Variants in MTSS1 observed in about 807,000 individuals in gnomAD.
MTSS1 encodes MTSS I-BAR domain containing 1.
A neutral mutation model predicts 79.0 loss-of-function variants in MTSS1; 18 were observed. The observed-to-expected ratio is 0.23, with a 90% CI of 0.16 to 0.34. MTSS1 has a LOEUF of 0.34. Ranked by LOEUF, MTSS1 falls within the 10% of genes least tolerant of loss-of-function variation. MTSS1 has a pLI of 1.00. For synonymous variants in MTSS1, 341 were observed against 368.6 expected, an observed-to-expected ratio of 0.93 and a Z score of 0.86; for missense variants, 815 against 986.2, an observed-to-expected ratio of 0.83 and a Z score of 2.33.
intron 3 of MTSS1, among the ~76,000 whole-genome samples, chr8:124,599,549 G>A (rs1280739879): frequency 6.6e-6 from 1 of 151,526 alleles, no homozygotes; most frequent in Non-Finnish European, 1.5e-5. Flanking sequence ...TCTAAGTAAA[G>A]TGGAAATCTT....
Position 124,727,418 on chromosome 8 carries a change from T to C in MTSS1, c.72+466A>G. On this transcript the variant is annotated intron_variant, in intron 1 of 13. Coordinates refer to ENST00000518547, the MANE Select transcript of MTSS1 (RefSeq NM_014751.6). This position sits in a 1 kb window ranked among gnomAD's most constrained non-coding sequence, Gnocchi z 4.7. ...AGGAGGGACTGGCTTTCCCTCTCAG[T>C]CTCCTAGGCTAGGGGACTCCTTCCT... is the stretch of plus-strand genomic sequence containing the variant. 2.7e-6 allele frequency: 1 copy of C among 370,728 alleles called. No individual in the cohort carries two copies. The highest frequency in any genetic ancestry group is 5.3e-6 in the Non-Finnish European group (1 of 188,172). The allele number at this position is 370,728 out of a possible 1,614,324, so 23.0% of individuals were successfully genotyped here.
chr8:124,663,555 C>T (rs1273944398), intron 3 of MTSS1, among the ~76,000 whole-genome samples: 1 of 152,068 alleles, frequency 6.6e-6, no homozygotes, highest in Non-Finnish European at 1.5e-5. Context: ...CCCACCTCCC[C>T]TTTCTCCCCA....
intron 3 of MTSS1, among the ~76,000 whole-genome samples, chr8:124,625,732 T>C (rs1232912423): frequency 2.0e-5 from 3 of 152,264 alleles, no homozygotes; most frequent in Non-Finnish European, 4.4e-5. Flanking sequence ...AGTGTAGCTA[T>C]GCTGCCTTCT....
intron 10 of MTSS1, among the ~76,000 whole-genome samples, chr8:124,561,328 G>A (rs1456839973): frequency 2.6e-5 from 4 of 152,204 alleles, no homozygotes; most frequent in Non-Finnish European, 5.9e-5. Context: ...TGAGGCAGGA[G>A]AATCGCTTGA....
At chr8:124,696,351 A>G (rs1458781553) in intron 3 of MTSS1, among the ~76,000 whole-genome samples, 2 of 152,202 alleles carry the variant, frequency 1.3e-5, no homozygotes, top group Non-Finnish European at 2.9e-5. Context: ...GTAAAAATTA[A>G]TAAAAGTCAC....
rs139225118 is a variant in MTSS1, at chr8:124,600,693, C to T, written c.209-9458G>A. 2.2e-4 allele frequency among the ~76,000 whole-genome samples: 33 copies of T among 152,296 alleles called. No homozygotes were observed. In the East Asian group the frequency reaches 2.3e-3, roughly 11 times the overall value. The stretch of plus-strand genomic sequence containing the variant: ...CAACAGATCATGACCCCCACTCCTC[C>T]CACATCTAATATCCACTTTCTCTAA... On this transcript the variant is annotated intron_variant, in intron 3 of 13. Coordinates refer to ENST00000518547, the MANE Select transcript of MTSS1 (RefSeq NM_014751.6).
chr8:124,707,307 G>A (rs1830508934), intron 1 of MTSS1, among the ~76,000 whole-genome samples: 1 of 146,792 alleles, frequency 6.8e-6, no homozygotes, highest in Non-Finnish European at 1.5e-5. Flanking sequence ...AGCACTTTGG[G>A]AAGCTGAGGC....
In MTSS1 at chr8:124,714,489, G is replaced by A. The variant is rs1011936660; in HGVS notation, c.73-10298C>T. ...GTTTTTGTTTTTGTTTTGAGATGGA[G>A]TCTTGCCGTGTTGCCCAGGCTGGAG... On this transcript the variant is annotated intron_variant, in intron 1 of 13. Coordinates refer to ENST00000518547, the MANE Select transcript of MTSS1 (RefSeq NM_014751.6). 9.9e-5 allele frequency among the ~76,000 whole-genome samples: 15 copies of A among 152,212 alleles called. No individual in the cohort carries two copies. In the South Asian group the frequency reaches 1.0e-3, roughly 11 times the overall value.
chr8:124,641,016 T>C (rs1041046560), intron 3 of MTSS1, among the ~76,000 whole-genome samples: 1 of 151,990 alleles, frequency 6.6e-6, no homozygotes, highest in Admixed American at 6.6e-5. Context: ...CATCCGTGTA[T>C]GTACTATTTT....
chr8:124,580,567 C>CG (rs761833897), intron 6 of MTSS1: 64 of 1,535,262 alleles, frequency 4.2e-5, no homozygotes, highest in Middle Eastern at 1.7e-4. Flanking sequence ...TGTCCACTGG[C>CG]GGGGGGGCAC....
At chr8:124,558,620 C>T in intron 10 of MTSS1, 1 of 1,417,342 alleles carries the variant, frequency 7.1e-7, no homozygotes, top group Non-Finnish European at 9.3e-7. Flanking sequence ...CGATTCTGAG[C>T]TTCCAGGTTG....
chr8:124,637,484 G>A (rs1817227036), intron 3 of MTSS1, among the ~76,000 whole-genome samples: 1 of 152,204 alleles, frequency 6.6e-6, no homozygotes, highest in African/African-American at 2.4e-5. Flanking sequence ...CCAGACCCAC[G>A]GCTCCAACAT....
At chr8:124,581,002 G>C (rs1829944812) in intron 6 of MTSS1, among the ~76,000 whole-genome samples, 2 of 152,186 alleles carry the variant, frequency 1.3e-5, no homozygotes, top group South Asian at 4.1e-4. Context: ...TAAAATTGTA[G>C]TATAACAGCA....
chr8:124,566,927 G>C, intron 8 of MTSS1, 144 bp downstream of exon 8: 1 of 652,484 alleles, frequency 1.5e-6, no homozygotes, highest in Non-Finnish European at 2.7e-6. Context: ...ACAGCTCGCT[G>C]TGGTGATTTC....
chr8:124,663,102 CTGGAGCCGAAATG>C (rs1256846535), intron 3 of MTSS1, among the ~76,000 whole-genome samples: 37 of 152,316 alleles, frequency 2.4e-4, no homozygotes, highest in Non-Finnish European at 1.3e-4. Context: ...TGGCTGGGTT[CTGGAGCCGAAATG>C]GGCAACTTGT....
intron 3 of MTSS1, among the ~76,000 whole-genome samples, chr8:124,632,186 G>C (rs1486215171): frequency 6.7e-6 from 1 of 150,368 alleles, no homozygotes; most frequent in African/African-American, 2.5e-5. Flanking sequence ...GGCTGAGGCA[G>C]GAGGATCCCT....
intron 1 of MTSS1, among the ~76,000 whole-genome samples, chr8:124,710,133 G>T (rs1830946732): frequency 6.6e-6 from 1 of 152,196 alleles, no homozygotes; most frequent in Non-Finnish European, 1.5e-5. Context: ...ATTTATGCTG[G>T]CCACTCCTCC....
At chr8:124,646,954 T>TC (rs1357554687) in intron 3 of MTSS1, among the ~76,000 whole-genome samples, 1 of 152,070 alleles carries the variant, frequency 6.6e-6, no homozygotes, top group Non-Finnish European at 1.5e-5. Flanking sequence ...CAAATGGTCC[T>TC]CCCACCTCAG....
chr8:124,554,588 T>C (rs1446300933), intron 13 of MTSS1, among the ~76,000 whole-genome samples: 1 of 152,228 alleles, frequency 6.6e-6, no homozygotes, highest in Admixed American at 6.5e-5. Context: ...GACTTGTGTG[T>C]GCAGTGGACT....
Sources: allele counts gnomAD v4.1 joint callset (sites outside exome capture counted in the v4.1 genomes callset), GRCh38; gene constraint gnomAD v4.1.1; non-coding constraint Gnocchi (gnomAD v3.1); transcripts MANE v1.5; gene names NCBI Gene and HGNC (gene_info 2026-07-23, HGNC 2026-07-21).